FBXW11: variants seen among roughly 807,000 people sequenced by gnomAD.
FBXW11 encodes F-box/WD repeat-containing protein 11.
In FBXW11, 19 loss-of-function variants were observed where a neutral mutation model predicts 77.6. The ratio of observed to expected loss-of-function variants is 0.24; its 90% confidence interval spans 0.17 to 0.36. The LOEUF is 0.36. Among genes scored for constraint, FBXW11 ranks in the 10% least tolerant of loss-of-function variants. The probability of loss-of-function intolerance (pLI) is 1.00; values close to 1 mark genes in which losing one functional copy is unlikely to be tolerated. For synonymous variants in FBXW11, 235 were observed against 249.4 expected, an observed-to-expected ratio of 0.94 and a Z score of 0.54; for missense variants, 334 against 704.2, an observed-to-expected ratio of 0.47 and a Z score of 5.95.
chr5:171,998,314 G>A (rs1289684011), intron 1 of FBXW11, among the ~76,000 whole-genome samples: 1 of 135,382 alleles, frequency 7.4e-6, no homozygotes, highest in Non-Finnish European at 1.5e-5. Context: ...CAATTCTACA[G>A]CCCATGATAT....
chr5:172,006,411 G>C, intron 1 of FBXW11, 47 bp downstream of exon 1: 2 of 1,503,276 alleles, frequency 1.3e-6, no homozygotes, highest in Non-Finnish European at 1.8e-6. Context: ...AGGCCCGCCC[G>C]GGGCCGGACG....
At chr5:171,935,531 A>C (rs1022758569) in intron 2 of FBXW11, among the ~76,000 whole-genome samples, 1 of 152,194 alleles carries the variant, frequency 6.6e-6, no homozygotes, top group African/African-American at 2.4e-5. Flanking sequence ...ACTCCAAGAG[A>C]TATCCTAAGA....
chr5:171,971,375 T>A (rs979085773), intron 1 of FBXW11, among the ~76,000 whole-genome samples: 1 of 152,246 alleles, frequency 6.6e-6, no homozygotes, highest in Non-Finnish European at 1.5e-5. Flanking sequence ...AACAGAGTAC[T>A]ACTATTACAA....
chr5:171,865,836 G>A (rs1390925779), intron 13 of FBXW11, among the ~76,000 whole-genome samples: 7 of 152,164 alleles, frequency 4.6e-5, no homozygotes, highest in Non-Finnish European at 8.8e-5. Flanking sequence ...TTGCTGACAT[G>A]GAGAGACTCT....
At chr5:171,968,881 A>C (rs1377357212) in intron 1 of FBXW11, among the ~76,000 whole-genome samples, 9 of 152,146 alleles carry the variant, frequency 5.9e-5, no homozygotes, top group African/African-American at 2.2e-4. Flanking sequence ...GCACAACGAG[A>C]TCCTGATTGT....
At chr5:171,887,814 C>T (rs1297128298) in intron 7 of FBXW11, among the ~76,000 whole-genome samples, 2 of 152,012 alleles carry the variant, frequency 1.3e-5, no homozygotes, top group Non-Finnish European at 2.9e-5. Context: ...CCCACCACCA[C>T]GCCCAGCTAA....
intron 2 of FBXW11, among the ~76,000 whole-genome samples, chr5:171,940,896 A>AAAAAG (rs61507680): frequency 3.3e-5 from 5 of 149,904 alleles, no homozygotes; most frequent in Admixed American, 6.6e-5. Flanking sequence ...AAAAAAAAAA[A>AAAAAG]GATACAGACG....
Position 171,876,890 on chromosome 5 carries a change from TAGA to T in FBXW11, c.972-359_972-357del, listed in dbSNP as rs1203561435. 6.6e-6 allele frequency among the ~76,000 whole-genome samples: 1 copy of T among 152,124 alleles called. No individual in the cohort carries two copies. Among genetic ancestry groups the T allele is most frequent in the Non-Finnish European group, 1.5e-5 (1 of 68,020 alleles). On this transcript the variant is annotated intron_variant, in intron 8 of 13. Transcript: ENST00000517395. The surrounding 1 kb of genome is among the most constrained non-coding windows in gnomAD (Gnocchi z 4.2). Reference sequence around the variant, plus strand: ...GCTCCCCTTTGCCTTCTGCCATGAGTAGAAGTAGCTCGAAGCCCTCATCAGAAG... The same window carrying T: ...GCTCCCCTTTGCCTTCTGCCATGAGTAGTAGCTCGAAGCCCTCATCAGAAG...
intron 2 of FBXW11, among the ~76,000 whole-genome samples, chr5:171,923,390 A>G (rs146179405): frequency 3.3e-4 from 50 of 152,330 alleles, no homozygotes; most frequent in African/African-American, 1.1e-3. Flanking sequence ...CAGAAGTAAT[A>G]AAGTTTAATG....
intron 1 of FBXW11, among the ~76,000 whole-genome samples, chr5:171,978,654 G>A (rs1581064471): frequency 2.0e-5 from 3 of 152,274 alleles, no homozygotes; most frequent in Middle Eastern, 3.4e-3. Flanking sequence ...TATGCAGAGT[G>A]AGGCAAACAC....
intron 6 of FBXW11, among the ~76,000 whole-genome samples, chr5:171,893,421 C>CAAAAAAAAAAAACA (rs757678376): frequency 0.012 from 466 of 39,826 alleles, 47 homozygotes; most frequent in Admixed American, 0.018. Flanking sequence ...ACTTCAAAAC[C>CAAAAAAAAAAAACA]AAAAAAAAAA....
intron 13 of FBXW11, chr5:171,867,771 C>T (rs543925962): frequency 3.5e-4 from 53 of 152,108 alleles, no homozygotes; most frequent in Non-Finnish European, 5.7e-4. Flanking sequence ...AATTAAGTAA[C>T]GATTTTAAAT....
intron 7 of FBXW11, among the ~76,000 whole-genome samples, chr5:171,888,122 C>T (rs1372163651): frequency 6.6e-6 from 1 of 152,182 alleles, no homozygotes; most frequent in African/African-American, 2.4e-5. Context: ...TCTCTCTTCT[C>T]TCACAGGGCT....
intron 2 of FBXW11, among the ~76,000 whole-genome samples, chr5:171,918,614 C>T (rs1010968932): frequency 2.6e-5 from 4 of 152,154 alleles, no homozygotes; most frequent in Admixed American, 1.3e-4. Context: ...GAGCATCACA[C>T]GTAAATAGAT....
intron 1 of FBXW11, among the ~76,000 whole-genome samples, chr5:172,001,388 G>C (rs1326309376): frequency 6.6e-6 from 1 of 152,170 alleles, no homozygotes. Context: ...GTTTAGAAAA[G>C]AGGATAGTTA....
intron 2 of FBXW11, among the ~76,000 whole-genome samples, chr5:171,951,313 A>G (rs1307168514): frequency 2.0e-5 from 3 of 152,080 alleles, no homozygotes; most frequent in East Asian, 1.9e-4. Context: ...AATTGGGAGG[A>G]TCACTTGAGA....
chr5:171,920,765 TA>T (rs1321861912), intron 2 of FBXW11, among the ~76,000 whole-genome samples: 2 of 152,334 alleles, frequency 1.3e-5, no homozygotes, highest in East Asian at 3.9e-4. Context: ...TGTGTTTTTT[TA>T]ATATGATAAA....
rs1455688007 is a variant in FBXW11 at position 171,903,489 on chromosome 5, T to A, written c.437-3389A>T. On this transcript the variant is annotated intron_variant, in intron 4 of 13. Coordinates refer to ENST00000517395, the MANE Select transcript of FBXW11 (RefSeq NM_001378974.1). ...GCTTGTGCCTCTCCATCACTAGGATTGACAAATTATTCATCAGAATTTCAA... is the reference window on the plus strand; with the variant it reads ...GCTTGTGCCTCTCCATCACTAGGATAGACAAATTATTCATCAGAATTTCAA... Among the ~76,000 whole-genome samples the A allele has an allele frequency of 1.3e-5, 2 of 152,160 alleles. 1 individual carries two copies. The highest frequency in any genetic ancestry group is 2.9e-5 in the Non-Finnish European group (2 of 68,026).
At chr5:171,864,923 C>T (rs1468406054) in intron 13 of FBXW11, among the ~76,000 whole-genome samples, 1 of 148,176 alleles carries the variant, frequency 6.7e-6, no homozygotes, top group East Asian at 2.0e-4. Context: ...AAGTGATGCA[C>T]TAAACCACTG....
Sources: allele counts gnomAD v4.1 joint callset (sites outside exome capture counted in the v4.1 genomes callset), GRCh38; gene constraint gnomAD v4.1.1; non-coding constraint Gnocchi (gnomAD v3.1); transcripts MANE v1.5; gene names NCBI Gene and HGNC (gene_info 2026-07-23, HGNC 2026-07-21).